Variants in KLF8 observed in about 807,000 individuals in gnomAD.
KLF8 encodes KLF transcription factor 8.
KLF8 carries 10 observed loss-of-function variants against 18.2 expected under a neutral mutation model. That is an observed-to-expected ratio of 0.55 (90% CI 0.34 to 0.93). The LOEUF is 0.93. KLF8 is among the 40% of genes least tolerant of loss of function. The probability of loss-of-function intolerance (pLI) is 0.02; values close to 1 mark genes in which losing one functional copy is unlikely to be tolerated. For synonymous variants in KLF8, 109 were observed against 97.3 expected (o/e 1.12, Z -0.71); for missense variants, 264 against 277.9 (o/e 0.95, Z 0.36).
At chrX:55,908,329 T>C in the KLF8 span, 4 of 283,288 alleles carry the variant, frequency 1.4e-5, no homozygotes, top group Non-Finnish European at 2.5e-5. Flanking sequence ...ACCAAGATTA[T>C]GTCCGCCAGC....
At chrX:56,276,180 G>A (rs775884548) in intron 5 of KLF8, among the ~76,000 whole-genome samples, 1 of 105,203 alleles carries the variant, frequency 9.5e-6, no homozygotes, top group Non-Finnish European at 1.9e-5. Context: ...TCACTCTGTT[G>A]CCCAGGCTGT....
the KLF8 span, among the ~76,000 whole-genome samples, chrX:56,137,689 A>C: frequency 1.7e-3 from 180 of 108,022 alleles, 1 homozygote; most frequent in African/African-American, 6.0e-3. Context: ...CCTGCATGGC[A>C]CATGTATACA....
At chrX:56,120,629 A>G in the KLF8 span, among the ~76,000 whole-genome samples, 2 of 111,703 alleles carry the variant, frequency 1.8e-5, no homozygotes, top group African/African-American at 3.3e-5. Context: ...TGCTAGCTCC[A>G]GAAACATGCT....
chrX:56,215,223 T>C, the KLF8 span, among the ~76,000 whole-genome samples: 1 of 111,967 alleles, frequency 8.9e-6, no homozygotes, highest in Non-Finnish European at 1.9e-5. Flanking sequence ...AAACTACCAC[T>C]GTTGCATTGG....
the KLF8 span, among the ~76,000 whole-genome samples, chrX:55,957,241 T>C: frequency 9.0e-6 from 1 of 111,598 alleles, no homozygotes; most frequent in East Asian, 2.8e-4. Context: ...TTGTGTTACA[T>C]TGGTATATTT....
the KLF8 span, among the ~76,000 whole-genome samples, chrX:56,162,055 G>A: frequency 8.9e-6 from 1 of 111,833 alleles, no homozygotes; most frequent in African/African-American, 3.3e-5. Context: ...TGTTTGCCTG[G>A]GTATCAGCAG....
chrX:56,041,488 T>TC, the KLF8 span, among the ~76,000 whole-genome samples: 4 of 109,652 alleles, frequency 3.6e-5, no homozygotes, highest in Non-Finnish European at 7.6e-5. Flanking sequence ...TTTTTTTTTT[T>TC]CAAAAAACCT....
the KLF8 span, among the ~76,000 whole-genome samples, chrX:56,208,736 A>T: frequency 8.9e-6 from 1 of 111,763 alleles, no homozygotes; most frequent in African/African-American, 3.2e-5. Context: ...ATTGAAGAGC[A>T]TATTTTTTAA....
rs2067264746 is a variant in KLF8 at position 56,286,045 on chromosome X, A to G, written c.*1551A>G. On this transcript the variant is annotated 3_prime_UTR_variant, in exon 6 of 6. Transcript: ENST00000468660. ...TCCCGTTAACCATCTAGTCCTATCC[A>G]TCCCTCATATTTTACAGATGAGACA... is the stretch of plus-strand genomic sequence containing the variant. The G allele has an allele frequency of 9.0e-6, 1 of 111,510 alleles. No individual in the cohort carries two copies. The highest frequency in any genetic ancestry group is 1.9e-5 in the Non-Finnish European group (1 of 53,124). 9.2% of individuals were successfully genotyped at this position (111,510 alleles called of 1,213,427 possible). A position where few individuals can be genotyped will look rare whatever the true frequency, so the allele number is the denominator to read the frequency against.
At chrX:56,078,893 T>G in the KLF8 span, among the ~76,000 whole-genome samples, 4 of 111,424 alleles carry the variant, frequency 3.6e-5, no homozygotes, top group Non-Finnish European at 7.5e-5. Flanking sequence ...GTCCAGGAAT[T>G]TATCCATTTC....
the KLF8 span, among the ~76,000 whole-genome samples, chrX:56,101,813 T>C: frequency 8.9e-6 from 1 of 111,973 alleles, no homozygotes; most frequent in East Asian, 2.8e-4. Flanking sequence ...TATTTACTTC[T>C]TGATTTGCTT....
chrX:55,952,286 A>G, the KLF8 span, among the ~76,000 whole-genome samples: 1 of 112,208 alleles, frequency 8.9e-6, no homozygotes, highest in Non-Finnish European at 1.9e-5. Flanking sequence ...TCACTTATTC[A>G]TTTATTTAGA....
chrX:56,250,988 A>G (rs1018672443), intron 2 of KLF8, among the ~76,000 whole-genome samples: 1 of 112,389 alleles, frequency 8.9e-6, no homozygotes, highest in African/African-American at 3.2e-5. Flanking sequence ...TGCCCTATTT[A>G]AAGTACAATG....
chrX:56,077,773 A>T, the KLF8 span, among the ~76,000 whole-genome samples: 1 of 111,910 alleles, frequency 8.9e-6, no homozygotes, highest in Non-Finnish European at 1.9e-5. Flanking sequence ...CCTACCCATG[A>T]ACATGGAATG....
At chrX:56,179,003 T>G in the KLF8 span, among the ~76,000 whole-genome samples, 1 of 112,355 alleles carries the variant, frequency 8.9e-6, no homozygotes, top group Admixed American at 9.4e-5. Flanking sequence ...TAAAGCAGTT[T>G]TTTTCAATTC....
chrX:56,010,686 A>C, the KLF8 span, among the ~76,000 whole-genome samples: 2 of 112,149 alleles, frequency 1.8e-5, no homozygotes, highest in Non-Finnish European at 3.8e-5. Flanking sequence ...TAAAGAGTCA[A>C]GACCCATGGT....
chrX:56,213,710 G>T, the KLF8 span, among the ~76,000 whole-genome samples: 2 of 111,136 alleles, frequency 1.8e-5, no homozygotes, highest in African/African-American at 3.3e-5. Context: ...ACAACATCTG[G>T]TGGGGGGTAC....
At chrX:56,197,983 A>G in the KLF8 span, among the ~76,000 whole-genome samples, 2 of 112,296 alleles carry the variant, frequency 1.8e-5, no homozygotes, top group Non-Finnish European at 3.8e-5. Flanking sequence ...ACCAAAGACA[A>G]AAACCACATG....
chrX:56,157,079 T>C, the KLF8 span, among the ~76,000 whole-genome samples: 162 of 108,040 alleles, frequency 1.5e-3, 2 homozygotes, highest in African/African-American at 4.9e-3. Flanking sequence ...TTCATGTCCT[T>C]TGTAGGGACA....
Sources: allele counts gnomAD v4.1 joint callset (sites outside exome capture counted in the v4.1 genomes callset), GRCh38; gene constraint gnomAD v4.1.1; transcripts MANE v1.5; gene names NCBI Gene and HGNC (gene_info 2026-07-23, HGNC 2026-07-21).